The following ERBB4 variants were observed in gnomAD, a reference collection of about 807,000 sequenced individuals.
ERBB4 encodes erb-b2 receptor tyrosine kinase 4.
A neutral mutation model predicts 158.0 loss-of-function variants in ERBB4; 42 were observed. That is an observed-to-expected ratio of 0.27 (90% CI 0.21 to 0.34). The LOEUF (loss-of-function observed/expected upper bound fraction) is 0.34, where lower values mean the gene tolerates loss of function less well. ERBB4 is among the 10% of genes least tolerant of loss of function. The pLI, the probability that ERBB4 is intolerant of heterozygous loss-of-function variation, is 1.00. For missense variants in ERBB4, 1,333 were observed against 1,624.1 expected, an observed-to-expected ratio of 0.82 and a Z score of 3.08; for synonymous variants, 583 against 558.7, an observed-to-expected ratio of 1.04 and a Z score of -0.61.
intron 20 of ERBB4, among the ~76,000 whole-genome samples, chr2:211,532,157 G>T (rs994893624): frequency 2.0e-5 from 3 of 151,496 alleles, no homozygotes; most frequent in African/African-American, 7.2e-5. Flanking sequence ...GTTGTGGGGG[G>T]GGAAAGTAGG....
rs574975903 is a variant in ERBB4 at position 211,877,566 on chromosome 2, CT to C, written c.421+69863del. ...TATGCCGCCTTCCTCTTTAAAATGT[CT>C]TTTTTTTTTTCCATTTCAGGGATAT... On this transcript the variant is annotated intron_variant, in intron 3 of 27. Transcript: ENST00000342788. 7.0e-3 allele frequency among the ~76,000 whole-genome samples: 1,035 copies of C among 147,142 alleles called. 12 individuals carry two copies. The highest frequency in any genetic ancestry group is 0.023 in the African/African-American group (911 of 40,098).
chr2:211,560,163 A>T (rs780542200), intron 20 of ERBB4, among the ~76,000 whole-genome samples: 11 of 152,012 alleles, frequency 7.2e-5, no homozygotes, highest in Non-Finnish European at 1.3e-4. Flanking sequence ...GTACAATGTC[A>T]TATAAATGAT....
chr2:212,409,831 T>C (rs1312435287), intron 1 of ERBB4, among the ~76,000 whole-genome samples: 2 of 152,084 alleles, frequency 1.3e-5, no homozygotes, highest in Non-Finnish European at 2.9e-5. Context: ...TTATAACAAA[T>C]GTGTGACTAA....
At chr2:212,282,077 G>A (rs1216486790) in intron 1 of ERBB4, among the ~76,000 whole-genome samples, 2 of 151,816 alleles carry the variant, frequency 1.3e-5, no homozygotes, top group Non-Finnish European at 2.9e-5. Flanking sequence ...TTGAGAGAAT[G>A]CCAAAATTCT....
chr2:211,590,516 C>T (rs2068428734), intron 19 of ERBB4, among the ~76,000 whole-genome samples: 1 of 152,078 alleles, frequency 6.6e-6, no homozygotes, highest in Non-Finnish European at 1.5e-5. Context: ...CCCATCTGAT[C>T]TTGTGACTCC....
chr2:212,440,651 C>T (rs2092234546), intron 1 of ERBB4, among the ~76,000 whole-genome samples: 1 of 151,896 alleles, frequency 6.6e-6, no homozygotes, highest in Non-Finnish European at 1.5e-5. Flanking sequence ...ATGACTAGAC[C>T]CCAAAATGCT....
chr2:212,448,126 C>G (rs1010696802), intron 1 of ERBB4, among the ~76,000 whole-genome samples: 7 of 152,094 alleles, frequency 4.6e-5, no homozygotes, highest in Non-Finnish European at 8.8e-5. Context: ...TAACTGTAAT[C>G]TCTAAGATAA....
chr2:211,884,521 C>A (rs73073322), intron 3 of ERBB4, among the ~76,000 whole-genome samples: 1 of 152,198 alleles, frequency 6.6e-6, no homozygotes, highest in South Asian at 2.1e-4. Flanking sequence ...TAAATCCACA[C>A]TGTCAACACA....
intron 1 of ERBB4, among the ~76,000 whole-genome samples, chr2:212,268,368 A>T (rs866966797): frequency 1.1e-4 from 17 of 152,074 alleles, no homozygotes; most frequent in Middle Eastern, 3.4e-3. Flanking sequence ...AATCATATAA[A>T]GTTCCTTGCA....
intron 3 of ERBB4, among the ~76,000 whole-genome samples, chr2:211,827,045 T>C (rs1047082647): frequency 1.3e-5 from 2 of 151,996 alleles, no homozygotes; most frequent in African/African-American, 4.8e-5. Context: ...ATGAAATACA[T>C]CTGTGTATAT....
chr2:211,613,927 C>A (rs1409987349), intron 19 of ERBB4, among the ~76,000 whole-genome samples: 1 of 151,978 alleles, frequency 6.6e-6, no homozygotes. Flanking sequence ...GGTATATACG[C>A]AAAATAAAGG....
intron 11 of ERBB4, among the ~76,000 whole-genome samples, chr2:211,702,931 CTTT>C (rs1157132253): frequency 6.6e-6 from 1 of 152,014 alleles, no homozygotes; most frequent in East Asian, 1.9e-4. Flanking sequence ...TAATTATTTA[CTTT>C]TTTACTTATT....
intron 1 of ERBB4, among the ~76,000 whole-genome samples, chr2:212,518,395 T>A (rs1476156265): frequency 1.3e-5 from 2 of 152,034 alleles, no homozygotes; most frequent in Admixed American, 1.3e-4. Context: ...AATTATATGA[T>A]TTAATCTCAA....
At chr2:212,467,805 C>T (rs556244399) in intron 1 of ERBB4, among the ~76,000 whole-genome samples, 1 of 152,338 alleles carries the variant, frequency 6.6e-6, no homozygotes, top group Non-Finnish European at 1.5e-5. Context: ...CTGCTGACAG[C>T]TTGCACTGTG....
intron 3 of ERBB4, among the ~76,000 whole-genome samples, chr2:211,796,155 C>A (rs2076377783): frequency 6.6e-6 from 1 of 151,904 alleles, no homozygotes; most frequent in African/African-American, 2.4e-5. Context: ...CTTCCTCATA[C>A]TTTCCACCTC....
intron 1 of ERBB4, among the ~76,000 whole-genome samples, chr2:212,191,967 T>TTA (rs1252308102): frequency 6.4e-5 from 7 of 108,990 alleles, no homozygotes; most frequent in African/African-American, 1.1e-4. Flanking sequence ...GTTATATATG[T>TTA]TATATGTTAT....
intron 2 of ERBB4, among the ~76,000 whole-genome samples, chr2:211,960,969 G>A (rs996672231): frequency 3.3e-5 from 5 of 151,978 alleles, no homozygotes; most frequent in Middle Eastern, 3.2e-3. Context: ...ATAATGTAAG[G>A]TGTTAATAAT....
intron 2 of ERBB4, among the ~76,000 whole-genome samples, chr2:212,031,523 G>C (rs2076901809): frequency 6.6e-6 from 1 of 152,142 alleles, no homozygotes; most frequent in African/African-American, 2.4e-5. Flanking sequence ...AGAGATTCTG[G>C]TTTAGCAGAT....
intron 5 of ERBB4, among the ~76,000 whole-genome samples, chr2:211,739,340 T>C (rs549305377): frequency 2.6e-5 from 4 of 152,340 alleles, no homozygotes; most frequent in Admixed American, 6.5e-5. Flanking sequence ...TTTGTTAGAT[T>C]CCATTTAATC....
Sources: gnomAD v4.1 joint callset for allele counts (sites outside exome capture counted in the v4.1 genomes callset) on GRCh38, gnomAD v4.1.1 for gene constraint, MANE v1.5 for transcripts, NCBI Gene and HGNC (gene_info 2026-07-23, HGNC 2026-07-21) for gene names.